The following ENOX1 variants were observed in gnomAD, a reference collection of about 807,000 sequenced individuals.
ENOX1 encodes candidate growth-related and time keeping constitutive hydroquinone (NADH) oxidase.
In ENOX1, 42 loss-of-function variants were observed where a neutral mutation model predicts 82.5. That is an observed-to-expected ratio of 0.51 (90% confidence interval 0.40 to 0.66). ENOX1 has a LOEUF of 0.66. Ranked by LOEUF, ENOX1 falls within the 30% of genes least tolerant of loss-of-function variation. The pLI is 0.00. For synonymous variants in ENOX1, 271 were observed against 282.2 expected, an observed-to-expected ratio of 0.96 and a Z score of 0.40; for missense variants, 608 against 811.6, an observed-to-expected ratio of 0.75 and a Z score of 3.05.
At chr13:43,599,433 A>C (rs2081608174) in intron 2 of ENOX1, among the ~76,000 whole-genome samples, 1 of 151,968 alleles carries the variant, frequency 6.6e-6, no homozygotes, top group Non-Finnish European at 1.5e-5. Flanking sequence ...AGAGGAAAGC[A>C]ACACTAGGCA....
chr13:43,729,186 T>A (rs2089175326), intron 1 of ENOX1, among the ~76,000 whole-genome samples: 2 of 152,222 alleles, frequency 1.3e-5, no homozygotes, highest in South Asian at 2.1e-4. Context: ...CCTGAAATTA[T>A]GTTTACCCAA....
chr13:43,498,263 A>G (rs2076861001), intron 2 of ENOX1, among the ~76,000 whole-genome samples: 1 of 152,086 alleles, frequency 6.6e-6, no homozygotes, highest in Non-Finnish European at 1.5e-5. Context: ...TCTCCATGGA[A>G]TTTAGCATAG....
intron 2 of ENOX1, among the ~76,000 whole-genome samples, chr13:43,613,390 G>A (rs1472547153): frequency 6.6e-6 from 1 of 152,082 alleles, no homozygotes; most frequent in African/African-American, 2.4e-5. Flanking sequence ...GAACGTAAAT[G>A]AAAAAATTAT....
chr13:43,705,362 T>TTCGTAAAAATATATATATATTC (rs34089365), intron 1 of ENOX1, among the ~76,000 whole-genome samples: 1 of 146,216 alleles, frequency 6.8e-6, no homozygotes, highest in Non-Finnish European at 1.5e-5. Flanking sequence ...TATATATATA[T>TTCGTAAAAATATATATATATTC]GTAACACTCC....
intron 2 of ENOX1, among the ~76,000 whole-genome samples, chr13:43,514,495 G>A (rs1290750536): frequency 6.6e-6 from 1 of 151,974 alleles, no homozygotes; most frequent in African/African-American, 2.4e-5. Flanking sequence ...AGTTGAGCTG[G>A]GAGTATTATC....
chr13:43,650,805 T>A (rs1296148871), intron 2 of ENOX1, among the ~76,000 whole-genome samples: 1 of 152,168 alleles, frequency 6.6e-6, no homozygotes, highest in African/African-American at 2.4e-5. Context: ...ACCACTGTAC[T>A]CCAGCCTGGG....
At chr13:43,427,175 A>G (rs1231269108) in intron 3 of ENOX1, among the ~76,000 whole-genome samples, 1 of 152,142 alleles carries the variant, frequency 6.6e-6, no homozygotes, top group Non-Finnish European at 1.5e-5. Context: ...AAAGTCTATA[A>G]AGTAAAAGGG....
chr13:43,775,487 G>C (rs1161959043), intron 1 of ENOX1, among the ~76,000 whole-genome samples: 1 of 152,076 alleles, frequency 6.6e-6, no homozygotes, highest in South Asian at 2.1e-4. Flanking sequence ...CTAAAGCTTT[G>C]AGTTTTCCCA....
intron 14 of ENOX1, among the ~76,000 whole-genome samples, chr13:43,244,277 T>C (rs929967549): frequency 5.9e-5 from 9 of 151,990 alleles, no homozygotes; most frequent in Admixed American, 5.2e-4. Context: ...ACTATAAATT[T>C]CTAGGAATAG....
chr13:43,538,495 T>C (rs1317643065), intron 2 of ENOX1, among the ~76,000 whole-genome samples: 1 of 152,102 alleles, frequency 6.6e-6, no homozygotes, highest in Non-Finnish European at 1.5e-5. Flanking sequence ...TTTATCATCA[T>C]ATAATGAGGT....
intron 2 of ENOX1, among the ~76,000 whole-genome samples, chr13:43,493,852 C>G (rs1034480360): frequency 2.0e-5 from 3 of 152,080 alleles, no homozygotes; most frequent in Non-Finnish European, 4.4e-5. Context: ...AAGAACTGCT[C>G]GAGGCTGGGT....
chr13:43,252,911 G>T (rs1288518592), intron 14 of ENOX1, among the ~76,000 whole-genome samples: 1 of 152,194 alleles, frequency 6.6e-6, no homozygotes, highest in Admixed American at 6.5e-5. Context: ...GAGCTGGGAA[G>T]AGTTTTGAGG....
chr13:43,402,010 A>C (rs1195918537), intron 5 of ENOX1, among the ~76,000 whole-genome samples: 1 of 152,188 alleles, frequency 6.6e-6, no homozygotes, highest in African/African-American at 2.4e-5. Context: ...ACCAATAATA[A>C]ATTAGTAGGC....
intron 5 of ENOX1, among the ~76,000 whole-genome samples, chr13:43,383,743 A>T (rs1017865392): frequency 6.6e-6 from 1 of 152,190 alleles, no homozygotes; most frequent in Non-Finnish European, 1.5e-5. Context: ...CATCAACAGG[A>T]ATTCTCCTGG....
chr13:43,293,498 C>T (rs888104872), intron 12 of ENOX1, among the ~76,000 whole-genome samples: 12 of 152,274 alleles, frequency 7.9e-5, no homozygotes, highest in African/African-American at 2.4e-4. Context: ...ACCATGGCAA[C>T]CATCACCTCC....
intron 3 of ENOX1, among the ~76,000 whole-genome samples, chr13:43,435,654 G>A (rs2055977401): frequency 6.6e-6 from 1 of 152,258 alleles, no homozygotes; most frequent in South Asian, 2.1e-4. Context: ...CTTACATGCT[G>A]TTGGTGTTTT....
chr13:43,313,475 C>G (rs1042704628), intron 11 of ENOX1, among the ~76,000 whole-genome samples: 2 of 152,026 alleles, frequency 1.3e-5, no homozygotes, highest in African/African-American at 4.8e-5. Flanking sequence ...AGGGAGTATT[C>G]CTCAATCAAC....
At chr13:43,542,487 G>C (rs1334779454) in intron 2 of ENOX1, among the ~76,000 whole-genome samples, 2 of 147,050 alleles carry the variant, frequency 1.4e-5, no homozygotes, top group Non-Finnish European at 3.0e-5. Context: ...CCAGGCTGGA[G>C]TGCAGTGCCA....
At chr13:43,392,399 CCGGG>C (rs1290541858) in intron 5 of ENOX1, among the ~76,000 whole-genome samples, 1 of 152,164 alleles carries the variant, frequency 6.6e-6, no homozygotes, top group Non-Finnish European at 1.5e-5. Context: ...TAGTATGAGG[CCGGG>C]TGCACTGGCT....
Sources: allele counts gnomAD v4.1 joint callset (sites outside exome capture counted in the v4.1 genomes callset), GRCh38; gene constraint gnomAD v4.1.1; transcripts MANE v1.5; gene names NCBI Gene and HGNC (gene_info 2026-07-23, HGNC 2026-07-21).